Variants in ENPP2 observed in about 807,000 individuals in gnomAD.
The protein encoded by ENPP2 is ectonucleotide pyrophosphatase/phosphodiesterase 2.
In ENPP2, 51 loss-of-function variants were observed where a neutral mutation model predicts 120.2. That is an observed-to-expected ratio of 0.42 (90% CI 0.34 to 0.54). The LOEUF is 0.54. Ranked by LOEUF, ENPP2 falls within the 20% of genes least tolerant of loss-of-function variation. The pLI is 0.04. For missense variants in ENPP2, 920 were observed against 1,066.5 expected, an observed-to-expected ratio of 0.86 and a Z score of 1.91; for synonymous variants, 365 against 366.4, an observed-to-expected ratio of 1.00 and a Z score of 0.04.
chr8:119,626,730 A>G lies in ENPP2; in HGVS notation c.137-10T>C. On this transcript the variant is annotated splice_polypyrimidine_tract_variant and intron_variant, in intron 2 of 24. Coordinates refer to ENST00000075322, the MANE Select transcript of ENPP2 (RefSeq NM_001040092.3). ...GGGGAGTCTGATAGCACTGCAAAGAACAAGAGGCAAAAACAATGGACTGGA... is the reference window on the plus strand; with the variant it reads ...GGGGAGTCTGATAGCACTGCAAAGAGCAAGAGGCAAAAACAATGGACTGGA... 3.1e-6 allele frequency: 5 copies of G among 1,613,612 alleles called. No homozygotes were observed. The South Asian group carries it at 4.4e-5, about 14-fold the overall frequency.
chr8:119,558,837 CCCT>C (rs1196943333), intron 24 of ENPP2, among the ~76,000 whole-genome samples: 5 of 152,076 alleles, frequency 3.3e-5, no homozygotes, highest in Non-Finnish European at 5.9e-5. Context: ...TTCAGACATG[CCCT>C]CATCCAACTC....
At position 119,617,495 on chromosome 8, in the gene ENPP2, C is replaced by T. The variant is rs1291283596; in HGVS notation, c.548G>A (p.Ser183Asn). 1 of 1,612,662 alleles carries T rather than the reference C, an allele frequency of 6.2e-7. No individual in the cohort carries two copies. Among genetic ancestry groups the T allele is most frequent in the Non-Finnish European group, 8.5e-7 (1 of 1,179,020 alleles). The change falls in exon 6 of 25, where the codon AGC (serine) becomes AAC (asparagine). Residue 183 changes from serine to asparagine, a missense_variant. Coordinates refer to ENST00000075322, the MANE Select transcript of ENPP2 (RefSeq NM_001040092.3). ...TTTTTCAATATTAGGCATGACTTTG[C>T]TGCCTTTCTTCATGTATGATGCACG... Reference protein sequence around the residue: ...GFRASYMKKGSKVMPNIEKLR... With the variant: ...GFRASYMKKGNKVMPNIEKLR...
chr8:119,601,543 C>A, intron 9 of ENPP2, 81 bp from the exon 10 acceptor site: 1 of 991,172 alleles, frequency 1.0e-6, no homozygotes. Flanking sequence ...GCTCTTGCAC[C>A]CAGGCCAAAT....
At chr8:119,606,468 C>T (rs1228786054) in intron 9 of ENPP2, among the ~76,000 whole-genome samples, 1 of 152,118 alleles carries the variant, frequency 6.6e-6, no homozygotes. Context: ...GAAGAAAATA[C>T]TTCTATGAGC....
chr8:119,562,056 G>A (rs557165429), intron 24 of ENPP2, among the ~76,000 whole-genome samples: 50 of 152,018 alleles, frequency 3.3e-4, no homozygotes, highest in African/African-American at 1.2e-3. Context: ...AGAATGGCGT[G>A]AGCCCGGGAG....
chr8:119,590,373 A>G (rs1813411399), intron 13 of ENPP2, 132 bp downstream of exon 13: 1 of 587,954 alleles, frequency 1.7e-6, no homozygotes, highest in Non-Finnish European at 2.8e-6. Flanking sequence ...TAAATGACTT[A>G]TTTAAGGTCA....
intron 12 of ENPP2, among the ~76,000 whole-genome samples, chr8:119,591,052 G>A (rs955035133): frequency 1.3e-5 from 2 of 150,594 alleles, no homozygotes; most frequent in Admixed American, 6.6e-5. Context: ...AGCTGGGGGT[G>A]GTATAAATGG....
intron 8 of ENPP2, among the ~76,000 whole-genome samples, chr8:119,614,069 T>A (rs1396526413): frequency 6.8e-6 from 1 of 147,146 alleles, no homozygotes; most frequent in Non-Finnish European, 1.5e-5. Flanking sequence ...AATCTTTTTT[T>A]TTTTTTTTTT....
At chr8:119,572,355 C>T in intron 19 of ENPP2, 1 of 847,078 alleles carries the variant, frequency 1.2e-6, no homozygotes, top group Non-Finnish European at 1.9e-6. Context: ...TCAAGCTTGG[C>T]ATCTAATCGA....
intron 11 of ENPP2, among the ~76,000 whole-genome samples, chr8:119,595,487 G>C (rs1174327356): frequency 6.6e-6 from 1 of 152,070 alleles, no homozygotes; most frequent in Non-Finnish European, 1.5e-5. Context: ...TTGTCTTTGA[G>C]AATACCTCCT....
chr8:119,656,466 G>C (rs1326255014), intron 1 of ENPP2, among the ~76,000 whole-genome samples: 4 of 152,076 alleles, frequency 2.6e-5, no homozygotes, highest in African/African-American at 7.2e-5. Flanking sequence ...CATGTACCAA[G>C]AGCCTACCAT....
At chr8:119,594,039 G>C (rs1221853947) in intron 11 of ENPP2, among the ~76,000 whole-genome samples, 179 bp from the exon 12 acceptor site, 1 of 152,086 alleles carries the variant, frequency 6.6e-6, no homozygotes. Flanking sequence ...CGTTATATTT[G>C]TATTCTTTTG....
At chr8:119,587,012 A>G in intron 14 of ENPP2, 32 bp downstream of exon 14, 2 of 1,602,496 alleles carry the variant, frequency 1.2e-6, no homozygotes, top group Non-Finnish European at 1.7e-6. Context: ...AGGCCTGGGC[A>G]GGGCAGAGGC....
At chr8:119,585,237 A>G (rs1023664695) in intron 15 of ENPP2, among the ~76,000 whole-genome samples, 4 of 152,186 alleles carry the variant, frequency 2.6e-5, no homozygotes, top group African/African-American at 9.6e-5. Flanking sequence ...ACTGTTTTAG[A>G]AGACTCCAAT....
intron 3 of ENPP2, among the ~76,000 whole-genome samples, chr8:119,622,669 G>T (rs1437511090): frequency 6.6e-6 from 1 of 152,164 alleles, no homozygotes; most frequent in Non-Finnish European, 1.5e-5. Context: ...CATGCTAGGT[G>T]TTCAATCAAT....
At position 119,626,695 on chromosome 8, in the gene ENPP2, G is replaced by A; in HGVS notation, c.162C>T (p.Asn54=). 6.2e-7 allele frequency: 1 copy of A among 1,614,116 alleles called. No homozygotes were observed. Among genetic ancestry groups the A allele is most frequent in the Non-Finnish European group, 8.5e-7 (1 of 1,179,966 alleles). Residue 54 remains asparagine, a synonymous_variant, in exon 3 of 25, where the codon AAC becomes AAT. Transcript: ENST00000075322. The part of the protein sequence containing the change: ...PTVLSDSPWT[N]ISGSCKGRCF... ...ACCTGCCCTTGCAAGATCCGGAGAT[G>A]TTGGTCCAGGGGGAGTCTGATAGCA...
chr8:119,638,231 T>C (rs1007287945), intron 2 of ENPP2, among the ~76,000 whole-genome samples, 194 bp downstream of exon 2: 5 of 152,238 alleles, frequency 3.3e-5, no homozygotes, highest in African/African-American at 9.6e-5. Flanking sequence ...GAAACAATCA[T>C]AAATGTTCTC....
rs777345402 is a variant in ENPP2, at chr8:119,638,784, G to A, written c.-4C>T. ...GGAACGAGCTCCTCCTTGCCATGTCGAGGATTCTTGGAAAGCCTTTTGCAG... is the reference window on the plus strand; with the variant it reads ...GGAACGAGCTCCTCCTTGCCATGTCAAGGATTCTTGGAAAGCCTTTTGCAG... On this transcript the variant is annotated 5_prime_UTR_variant, in exon 1 of 25. Transcript: ENST00000075322. The A allele has an allele frequency of 6.2e-7, 1 of 1,612,288 alleles. No individual in the cohort carries two copies. The highest frequency in any genetic ancestry group is 1.3e-5 in the African/African-American group (1 of 74,878).
In ENPP2 at chr8:119,626,705, G is replaced by T. The variant is rs1222196302; in HGVS notation, c.152C>A (p.Pro51His). ...GCAAGATCCGGAGATGTTGGTCCAG[G>T]GGGAGTCTGATAGCACTGCAAAGAA... is the stretch of plus-strand genomic sequence containing the variant. ...EGPPTVLSDSPWTNISGSCKG... is the reference protein window; with the variant it reads ...EGPPTVLSDSHWTNISGSCKG... The change falls in exon 3 of 25, where the codon CCC becomes CAC. Residue 51 changes from proline to histidine, a missense_variant. Transcript: ENST00000075322. 6.2e-7 allele frequency: 1 copy of T among 1,614,036 alleles called. No homozygotes were observed. The highest frequency in any genetic ancestry group is 8.5e-7 in the Non-Finnish European group (1 of 1,179,936).
Sources: gnomAD v4.1 joint callset for allele counts (sites outside exome capture counted in the v4.1 genomes callset) on GRCh38, gnomAD v4.1.1 for gene constraint, MANE v1.5 for transcripts, NCBI Gene and HGNC (gene_info 2026-07-23, HGNC 2026-07-21) for gene names.